NDEL1: variants seen among roughly 807,000 people sequenced by gnomAD.
NDEL1 encodes nuclear distribution protein nudE-like 1.
A neutral mutation model predicts 45.7 loss-of-function variants in NDEL1; 9 were observed. That is an observed-to-expected ratio of 0.20 (90% CI 0.12 to 0.34). The LOEUF is 0.34. NDEL1 is among the 10% of genes least tolerant of loss of function. The pLI, the probability that NDEL1 is intolerant of heterozygous loss-of-function variation, is 1.00. For synonymous variants in NDEL1, 133 were observed against 158.6 expected (o/e 0.84, Z 1.21); for missense variants, 306 against 406.2 (o/e 0.75, Z 2.12).
At chr17:8,448,717 A>G (rs770089367) in intron 5 of NDEL1, 31 bp downstream of exon 5, 1 of 1,581,664 alleles carries the variant, frequency 6.3e-7, no homozygotes, top group Admixed American at 1.8e-5. Context: ...AATACAGTTG[A>G]CCCTTGAACA....
chr17:8,434,724 C>T (rs188025401), upstream of NDEL1, among the ~76,000 whole-genome samples: 365 of 152,158 alleles, frequency 2.4e-3, 3 homozygotes, highest in Non-Finnish European at 3.5e-3. Flanking sequence ...TACACACGCG[C>T]GCACACACAC....
intron 1 of NDEL1, among the ~76,000 whole-genome samples, chr17:8,426,438 C>T (rs1908834111): frequency 6.6e-6 from 1 of 152,170 alleles, no homozygotes; most frequent in Non-Finnish European, 1.5e-5. Context: ...GGTATGTGAG[C>T]ACATATCATT....
rs1462133314 is a variant in NDEL1, at chr17:8,420,693, A to G, written c.-13+7424A>G. On this transcript the variant is annotated intron_variant, in intron 1 of 4. Transcript: ENST00000582812. ...GGGGAAGCAAAGGGAAGCCCTTTAT[A>G]TAAGCCCTTGTAAGTCTCATTATAT... Among the ~76,000 whole-genome samples, 18 of 152,384 alleles carry G rather than the reference A, an allele frequency of 1.2e-4. No individual in the cohort carries two copies. In the South Asian group the frequency reaches 3.5e-3, roughly 30 times the overall value.
At chr17:8,436,626 C>T (rs189960571) in intron 1 of NDEL1, 3 of 152,374 alleles carry the variant, frequency 2.0e-5, no homozygotes, top group Admixed American at 6.5e-5. Context: ...CCAACGGGCT[C>T]GGGTTACTTG....
At chr17:8,421,801 C>G (rs1308896078) in intron 1 of NDEL1, among the ~76,000 whole-genome samples, 2 of 152,148 alleles carry the variant, frequency 1.3e-5, no homozygotes, top group Non-Finnish European at 2.9e-5. Flanking sequence ...AGTCATTACC[C>G]TCACCCTCCC....
intron 3 of NDEL1, among the ~76,000 whole-genome samples, chr17:8,473,348 G>A (rs910539954): frequency 6.6e-6 from 1 of 152,018 alleles, no homozygotes; most frequent in Non-Finnish European, 1.5e-5. Context: ...CACCACACCT[G>A]GCTAATTTTT....
At chr17:8,451,538 G>A (rs1007937653) in intron 6 of NDEL1, among the ~76,000 whole-genome samples, 32 of 152,144 alleles carry the variant, frequency 2.1e-4, no homozygotes, top group Non-Finnish European at 4.0e-4. Context: ...TGCCCATTCT[G>A]TTACATGCTT....
chr17:8,457,342 G>C (rs1453452307), intron 7 of NDEL1, among the ~76,000 whole-genome samples: 6 of 152,142 alleles, frequency 3.9e-5, no homozygotes, highest in Non-Finnish European at 1.5e-5. Context: ...GTTGTTGTCT[G>C]TCTTTGTTCC....
intron 3 of NDEL1, among the ~76,000 whole-genome samples, chr17:8,446,423 G>A (rs1910082026): frequency 6.6e-6 from 1 of 152,176 alleles, no homozygotes; most frequent in African/African-American, 2.4e-5. Flanking sequence ...GGTAGGGAAT[G>A]TGAACTCTGT....
intron 5 of NDEL1, among the ~76,000 whole-genome samples, chr17:8,450,009 G>A (rs1160888888): frequency 2.0e-5 from 3 of 152,224 alleles, no homozygotes; most frequent in Non-Finnish European, 4.4e-5. Context: ...TTGGCTGGGT[G>A]TGGCGGCTCA....
At chr17:8,443,156 C>A (rs1909870637) in intron 1 of NDEL1, among the ~76,000 whole-genome samples, 2 of 152,166 alleles carry the variant, frequency 1.3e-5, no homozygotes, top group Non-Finnish European at 2.9e-5. Context: ...TGGTTTAATT[C>A]AGTAAATATC....
chr17:8,454,571 A>AT (rs1222641499), intron 6 of NDEL1, among the ~76,000 whole-genome samples: 1 of 152,226 alleles, frequency 6.6e-6, no homozygotes, highest in African/African-American at 2.4e-5. Flanking sequence ...GTTTAAGAGT[A>AT]TATGTCCTTG....
rs79830101 is a variant in NDEL1 at position 8,459,120 on chromosome 17, A to G, written c.793-889A>G. Among the ~76,000 whole-genome samples the G allele has an allele frequency of 4.1e-3, 626 of 152,242 alleles. 1 individual carries two copies. The highest frequency in any genetic ancestry group is 5.8e-3 in the Non-Finnish European group (397 of 68,026). On this transcript the variant is annotated intron_variant, in intron 7 of 8. Coordinates refer to ENST00000334527, the MANE Select transcript of NDEL1 (RefSeq NM_030808.5). ...AAAGTGAAGTATATGTTACCTGTGG[A>G]TTTAATTTAGCTGTGCATTCCCAGT...
chr17:8,463,769 C>A (rs1376855493), intron 8 of NDEL1, among the ~76,000 whole-genome samples: 2 of 152,244 alleles, frequency 1.3e-5, no homozygotes, highest in Non-Finnish European at 2.9e-5. Context: ...CCAGTGTGAG[C>A]ATTCCCTCAC....
rs1456669662 is a variant in NDEL1, at chr17:8,473,190, C to T, written c.417+13030C>T. On this transcript the variant is annotated intron_variant, in intron 3 of 3. Transcript: ENST00000581679. ...TTAGATCAGCCAGTAGGGAAGAATTCTTTTTTTTTTTGAGACGGAGTCGCC... is the reference window on the plus strand; with the variant it reads ...TTAGATCAGCCAGTAGGGAAGAATTTTTTTTTTTTTTGAGACGGAGTCGCC... Among the ~76,000 whole-genome samples, 4 of 146,812 alleles carry T rather than the reference C, an allele frequency of 2.7e-5. No homozygotes were observed. In the South Asian group the frequency reaches 6.5e-4, roughly 24 times the overall value.
At chr17:8,449,923 A>T (rs1388224776) in intron 5 of NDEL1, among the ~76,000 whole-genome samples, 4 of 152,188 alleles carry the variant, frequency 2.6e-5, no homozygotes, top group Non-Finnish European at 5.9e-5. Context: ...TTCCTTTTTT[A>T]ACACAAGCAA....
rs551776696 is a variant in NDEL1, at chr17:8,415,142, TTCTGTCTCTCTG to T, written c.-13+1877_-13+1888del. 2.4e-3 allele frequency among the ~76,000 whole-genome samples: 355 copies of T among 147,296 alleles called. 2 individuals are homozygous for T. Among genetic ancestry groups the T allele is most frequent in the African/African-American group, 8.3e-3 (335 of 40,184 alleles). On this transcript the variant is annotated intron_variant, in intron 1 of 4. Transcript: ENST00000582812. ...TCCCTCCCTCCTGCCTCTTCTCTCT[TTCTGTCTCTCTG>T]TCTCCCTCTCTCCCTCTCTCTTTCT...
downstream of NDEL1, among the ~76,000 whole-genome samples, chr17:8,473,026 C>T (rs1349367589): frequency 6.6e-6 from 1 of 152,148 alleles, no homozygotes; most frequent in Non-Finnish European, 1.5e-5. Context: ...TTCCTTAGGT[C>T]TGGAGTGTCG....
At chr17:8,446,613 A>G in intron 3 of NDEL1, 141 bp from the exon 4 acceptor site, 1 of 750,612 alleles carries the variant, frequency 1.3e-6, no homozygotes, top group Non-Finnish European at 2.0e-6. Context: ...TGAATGTGTC[A>G]TTTAGTTGTT....
Sources: allele counts gnomAD v4.1 joint callset (sites outside exome capture counted in the v4.1 genomes callset), GRCh38; gene constraint gnomAD v4.1.1; transcripts MANE v1.5; gene names NCBI Gene and HGNC (gene_info 2026-07-23, HGNC 2026-07-21).